ANKRD17: variants seen among roughly 807,000 people sequenced by gnomAD.
ANKRD17 encodes the protein ankyrin repeat domain 17.
Under a neutral mutation model 229.7 loss-of-function variants are expected in ANKRD17, and 19 were observed. That is an observed-to-expected ratio of 0.08 (90% CI 0.06 to 0.12). ANKRD17 has a LOEUF of 0.12. ANKRD17 is among the 10% of genes least tolerant of loss of function. The pLI is 1.00. For synonymous variants in ANKRD17, 1,112 were observed against 1,146.1 expected, an observed-to-expected ratio of 0.97 and a Z score of 0.60; for missense variants, 2,176 against 3,176.8, an observed-to-expected ratio of 0.68 and a Z score of 7.57.
chr4:73,197,874 A>G (rs930194697), intron 1 of ANKRD17, among the ~76,000 whole-genome samples: 2 of 152,164 alleles, frequency 1.3e-5, no homozygotes, highest in African/African-American at 4.8e-5. Context: ...AACTGAAGAA[A>G]TTCAGGTAAA....
At chr4:73,245,333 T>C (rs958663096) in intron 1 of ANKRD17, among the ~76,000 whole-genome samples, 5 of 152,212 alleles carry the variant, frequency 3.3e-5, no homozygotes, top group South Asian at 2.1e-4. Context: ...GCAGATGTAA[T>C]TGAAGTTCCT....
chr4:73,156,767 T>C (rs779217923), intron 3 of ANKRD17, among the ~76,000 whole-genome samples: 28 of 152,318 alleles, frequency 1.8e-4, no homozygotes, highest in Non-Finnish European at 2.9e-4. Flanking sequence ...CTCCTCGCTA[T>C]GCTTCCTGTA....
rs1297591421 is a variant in ANKRD17, at chr4:73,098,658, G to A, written c.4574-138C>T. ...CATGTAAGTTATTCTCACATTCATC[G>A]GTAATGAGCTGGATAGGACTGATAT... On this transcript the variant is annotated intron_variant, in intron 25 of 33. Coordinates refer to ENST00000358602, the MANE Select transcript of ANKRD17 (RefSeq NM_032217.5). The A allele has an allele frequency of 3.5e-5, 31 of 884,826 alleles. 1 individual carries two copies. The highest frequency in any genetic ancestry group is 3.4e-4 in the East Asian group (13 of 38,040). The allele number at this position is 884,826 out of a possible 1,614,324, so 54.8% of individuals were successfully genotyped here.
At chr4:73,188,138 A>G (rs1372053028) in intron 1 of ANKRD17, among the ~76,000 whole-genome samples, 5 of 152,302 alleles carry the variant, frequency 3.3e-5, no homozygotes, top group African/African-American at 9.6e-5. Flanking sequence ...AAGTTGAAAG[A>G]AACTAAAACT....
chr4:73,148,176 C>T (rs1000941010), intron 8 of ANKRD17, among the ~76,000 whole-genome samples: 2 of 152,080 alleles, frequency 1.3e-5, no homozygotes, highest in African/African-American at 4.8e-5. Context: ...TAAATAAAAA[C>T]AAAAGTTTTT....
chr4:73,189,560 C>A (rs1003712843), intron 1 of ANKRD17, among the ~76,000 whole-genome samples: 8 of 152,086 alleles, frequency 5.3e-5, no homozygotes, highest in Non-Finnish European at 8.8e-5. Flanking sequence ...CCATGCCTGG[C>A]TACCATTCCG....
chr4:73,207,994 C>T (rs1318853262), intron 1 of ANKRD17, among the ~76,000 whole-genome samples: 1 of 152,042 alleles, frequency 6.6e-6, no homozygotes, highest in African/African-American at 2.4e-5. Flanking sequence ...CGAGACCATC[C>T]TGGCTAACAC....
chr4:73,122,244 C>G (rs1726838412), intron 18 of ANKRD17, among the ~76,000 whole-genome samples: 1 of 152,072 alleles, frequency 6.6e-6, no homozygotes, highest in Non-Finnish European at 1.5e-5. Context: ...CATTCACTAC[C>G]TAGATTTTAG....
intron 1 of ANKRD17, among the ~76,000 whole-genome samples, chr4:73,231,503 A>G (rs1232719318): frequency 6.6e-6 from 1 of 152,192 alleles, no homozygotes; most frequent in East Asian, 1.9e-4. Context: ...TTTGCCTGCA[A>G]GCAATTATTT....
Position 73,154,071 on chromosome 4 carries a change from T to G in ANKRD17, c.1043A>C (p.Asp348Ala). Residue 348 changes from aspartate to alanine, a missense_variant, in exon 6 of 34, where the codon GAT (aspartate) becomes GCT (alanine). This residue lies in a region of ANKRD17 where 184 missense variants were observed against 357.8 expected (regional missense o/e 0.51). Coordinates refer to ENST00000358602, the MANE Select transcript of ANKRD17 (RefSeq NM_032217.5). ...GGATTCCAAGAGCACCTTTACAACA[T>G]CTACATAGCCTCCAGCACAAGCATA... Reference protein sequence around the residue: ...LTYACAGGYVDVVKVLLESGA... With the variant: ...LTYACAGGYVAVVKVLLESGA... 1 of 1,611,088 alleles carries G rather than the reference T, an allele frequency of 6.2e-7. No individual in the cohort carries two copies. The highest frequency in any genetic ancestry group is 1.1e-5 in the South Asian group (1 of 90,592).
chr4:73,247,572 G>C (rs533775962), intron 1 of ANKRD17, among the ~76,000 whole-genome samples: 1 of 151,312 alleles, frequency 6.6e-6, no homozygotes, highest in Non-Finnish European at 1.5e-5. Context: ...ACACACACAC[G>C]CACTCAGTCT....
chr4:73,180,956 T>C (rs1735468422), intron 1 of ANKRD17, among the ~76,000 whole-genome samples: 1 of 152,166 alleles, frequency 6.6e-6, no homozygotes, highest in Admixed American at 6.5e-5. Context: ...GGTTTAGTCA[T>C]GTACACCCAG....
intron 19 of ANKRD17, among the ~76,000 whole-genome samples, chr4:73,121,321 G>C (rs1726689670): frequency 6.6e-6 from 1 of 152,060 alleles, no homozygotes; most frequent in Non-Finnish European, 1.5e-5. Context: ...AGGCTGGAAG[G>C]TGATTAATAA....
At chr4:73,145,036 A>G (rs1157002673) in intron 10 of ANKRD17, among the ~76,000 whole-genome samples, 2 of 152,184 alleles carry the variant, frequency 1.3e-5, no homozygotes, top group Non-Finnish European at 2.9e-5. Flanking sequence ...TAATTTTAGT[A>G]TATGTGCTGC....
intron 26 of ANKRD17, 41 bp downstream of exon 26, chr4:73,098,032 T>C: frequency 3.3e-6 from 5 of 1,519,610 alleles, no homozygotes; most frequent in African/African-American, 1.4e-5. Context: ...AGGTATTTCA[T>C]GATGACACTA....
chr4:73,164,359 T>C (rs1732943717), intron 2 of ANKRD17, among the ~76,000 whole-genome samples: 1 of 152,248 alleles, frequency 6.6e-6, no homozygotes, highest in Non-Finnish European at 1.5e-5. Flanking sequence ...TTTTAATAAA[T>C]GTAACTAGGA....
chr4:73,187,695 C>A (rs190620300), intron 1 of ANKRD17, among the ~76,000 whole-genome samples: 1 of 152,332 alleles, frequency 6.6e-6, no homozygotes, highest in East Asian at 1.9e-4. Flanking sequence ...TCCCGTCATT[C>A]CTTCCTTGCT....
chr4:73,076,310 AT>A lies in ANKRD17; in HGVS notation c.7753-21del. On this transcript the variant is annotated intron_variant, in intron 33 of 33. Transcript: ENST00000358602. ...CCACACCTATGAATATAGAGCATGCATTTTACAAAATATATATCTAGCATAT... is the reference window on the plus strand; with the variant it reads ...CCACACCTATGAATATAGAGCATGCATTTACAAAATATATATCTAGCATAT... 6.4e-7 allele frequency: 1 copy of A among 1,553,792 alleles called. No homozygotes were observed. The highest frequency in any genetic ancestry group is 8.7e-7 in the Non-Finnish European group (1 of 1,150,788).
At chr4:73,111,398 T>C (rs1420285212) in intron 24 of ANKRD17, among the ~76,000 whole-genome samples, 1 of 152,202 alleles carries the variant, frequency 6.6e-6, no homozygotes, top group African/African-American at 2.4e-5. Context: ...GGAGGATTCA[T>C]GTCCCAGGTG....
Sources: allele counts gnomAD v4.1 joint callset (sites outside exome capture counted in the v4.1 genomes callset), GRCh38; gene constraint gnomAD v4.1.1; regional missense constraint gnomAD v4.1.1; transcripts MANE v1.5; gene names NCBI Gene and HGNC (gene_info 2026-07-23, HGNC 2026-07-21).